Variants in PI4K2B observed in about 807,000 individuals in gnomAD.
The protein encoded by PI4K2B is phosphatidylinositol 4-kinase type 2 beta.
PI4K2B carries 46 observed loss-of-function variants against 56.6 expected under a neutral mutation model. The observed-to-expected ratio is 0.81, with a 90% confidence interval of 0.64 to 1.04. The LOEUF is 1.04. PI4K2B is among the 50% of genes least tolerant of loss of function. The pLI is 0.00. For synonymous variants in PI4K2B, 211 were observed against 223.8 expected (o/e 0.94, Z 0.51); for missense variants, 556 against 607.7 (o/e 0.91, Z 0.89).
intron 6 of PI4K2B, 38 bp from the exon 7 acceptor site, chr4:25,263,712 A>C: frequency 2.7e-6 from 2 of 740,504 alleles, no homozygotes; most frequent in Non-Finnish European, 4.7e-6. Flanking sequence ...ATATTTATAT[A>C]GGTTCTTTTA....
At chr4:25,254,991 T>C in intron 2 of PI4K2B, 74 bp from the exon 3 acceptor site, 16 of 981,014 alleles carry the variant, frequency 1.6e-5, no homozygotes, top group Non-Finnish European at 2.5e-5. Flanking sequence ...GAGAACAATT[T>C]ATTAGAATGC....
In PI4K2B at chr4:25,279,071, A is replaced by G. The variant is rs1205112138; in HGVS notation, c.*1884A>G. 1 of 152,578 alleles carries G rather than the reference A, an allele frequency of 6.6e-6. No homozygotes were observed. Among genetic ancestry groups the G allele is most frequent in the South Asian group, 2.1e-4 (1 of 4,828 alleles). The allele number at this position is 152,578 out of a possible 1,614,324, so 9.5% of individuals were successfully genotyped here. Reference sequence around the variant, plus strand: ...ACAAATGTGGTAGACTAAAGGTAATAAAAATCATTGTCTTAAGATTATGTT... The same window carrying G: ...ACAAATGTGGTAGACTAAAGGTAATGAAAATCATTGTCTTAAGATTATGTT... On this transcript the variant is annotated 3_prime_UTR_variant, in exon 10 of 10. Transcript: ENST00000264864.
intron 3 of PI4K2B, among the ~76,000 whole-genome samples, chr4:25,255,969 A>G (rs891167359): frequency 1.4e-5 from 2 of 147,806 alleles, no homozygotes; most frequent in Non-Finnish European, 3.0e-5. Flanking sequence ...CCCAGGCTGG[A>G]GTATAGGGAT....
intron 1 of PI4K2B, among the ~76,000 whole-genome samples, chr4:25,242,673 G>T (rs903961641): frequency 2.6e-5 from 4 of 152,218 alleles, no homozygotes; most frequent in African/African-American, 4.8e-5. Flanking sequence ...TCCTTACTAA[G>T]CCTTGAGCTT....
intron 7 of PI4K2B, among the ~76,000 whole-genome samples, chr4:25,265,198 C>CAAAAAAAAAAAAAAAAAAAAAAAAAA (rs71188933): frequency 3.1e-5 from 2 of 65,408 alleles, no homozygotes; most frequent in Non-Finnish European, 5.1e-5. Flanking sequence ...TCTGTCTCAC[C>CAAAAAAAAAAAAAAAAAAAAAAAAAA]AAAAAAAAAA....
rs555109330 is a variant in PI4K2B, at chr4:25,255,327, T to A, written c.624+62T>A. The A allele has an allele frequency of 9.5e-5, 131 of 1,374,480 alleles. 1 individual carries two copies. The South Asian group carries it at 1.5e-3, about 16-fold the overall frequency. 85.1% of individuals were successfully genotyped at this position (1,374,480 alleles called of 1,614,324 possible). A position where few individuals can be genotyped will look rare whatever the true frequency, so the allele number is the denominator to read the frequency against. On this transcript the variant is annotated intron_variant, in intron 3 of 9. Coordinates refer to ENST00000264864, the MANE Select transcript of PI4K2B (RefSeq NM_018323.4). ...TTTACAACCTGCTTATATCTGAATA[T>A]TTCAGTAATTATTCCTAATGATAGA...
chr4:25,265,495 C>T (rs1266790701), intron 7 of PI4K2B, among the ~76,000 whole-genome samples: 4 of 152,080 alleles, frequency 2.6e-5, no homozygotes, highest in South Asian at 2.1e-4. Context: ...CATATTAGGC[C>T]TCATACTTTC....
At chr4:25,265,656 A>C (rs905203406) in intron 7 of PI4K2B, among the ~76,000 whole-genome samples, 11 of 152,124 alleles carry the variant, frequency 7.2e-5, no homozygotes, top group African/African-American at 2.4e-4. Flanking sequence ...GCTTATTTTA[A>C]TTGTCCATTA....
chr4:25,268,945 G>T (rs1716764206), intron 8 of PI4K2B, among the ~76,000 whole-genome samples, 199 bp from the exon 9 acceptor site: 1 of 152,136 alleles, frequency 6.6e-6, no homozygotes, highest in Admixed American at 6.6e-5. Flanking sequence ...AACAAGTTCA[G>T]GTCCAAATAA....
intron 1 of PI4K2B, among the ~76,000 whole-genome samples, chr4:25,240,562 G>A (rs1715473294): frequency 1.3e-5 from 2 of 152,134 alleles, no homozygotes; most frequent in South Asian, 4.1e-4. Context: ...ATTTCCTGGG[G>A]CAATGGTAAT....
intron 1 of PI4K2B, among the ~76,000 whole-genome samples, chr4:25,242,449 T>G (rs2133504): frequency 0.01 from 1,549 of 152,138 alleles, 41 homozygotes; most frequent in African/African-American, 0.035. Context: ...GGAGTCAGAG[T>G]GCAGGGGAAT....
chr4:25,247,471 C>T (rs1715838399), intron 1 of PI4K2B, among the ~76,000 whole-genome samples: 1 of 152,198 alleles, frequency 6.6e-6, no homozygotes, highest in Non-Finnish European at 1.5e-5. Context: ...GTTCACCTGC[C>T]CTATCCTCTT....
chr4:25,267,487 T>C (rs533038641), intron 7 of PI4K2B, among the ~76,000 whole-genome samples: 8 of 152,308 alleles, frequency 5.3e-5, no homozygotes, highest in African/African-American at 1.9e-4. Flanking sequence ...CCCAGGAGAT[T>C]GAGGCTATAG....
At position 25,255,063 on chromosome 4, in the gene PI4K2B, A is replaced by G; in HGVS notation, c.424-2A>G. On this transcript the variant is annotated splice_acceptor_variant, in intron 2 of 9. Coordinates refer to ENST00000264864, the MANE Select transcript of PI4K2B (RefSeq NM_018323.4). LOFTEE classifies it high-confidence loss of function. ...AATAAGATTTTTACTTTTTTGCTCT[A>G]GAAAATTATTGGTGTGTTTAAACCC... 1.2e-6 allele frequency: 2 copies of G among 1,604,978 alleles called. No individual in the cohort carries two copies. The highest frequency in any genetic ancestry group is 1.7e-6 in the Non-Finnish European group (2 of 1,172,506).
chr4:25,269,752 A>G (rs996457682), intron 9 of PI4K2B, among the ~76,000 whole-genome samples: 1 of 151,242 alleles, frequency 6.6e-6, no homozygotes, highest in Non-Finnish European at 1.5e-5. Context: ...CTCGCTCTGT[A>G]GCCCAGGCTG....
intron 6 of PI4K2B, among the ~76,000 whole-genome samples, chr4:25,263,390 TA>T (rs1281356920): frequency 6.6e-6 from 1 of 152,130 alleles, no homozygotes; most frequent in East Asian, 1.9e-4. Context: ...TTAAGGTGTT[TA>T]AAAAAATTAG....
At chr4:25,236,858 CTG>C (rs2109080740) in intron 1 of PI4K2B, among the ~76,000 whole-genome samples, 2 of 152,282 alleles carry the variant, frequency 1.3e-5, no homozygotes, top group Non-Finnish European at 1.5e-5. Context: ...TCTGTGAAAA[CTG>C]TTTAAAAAAT....
chr4:25,273,612 C>T lies in PI4K2B; in HGVS notation c.1273-3402C>T, dbSNP rs1716992852. On this transcript the variant is annotated intron_variant, in intron 9 of 9. Transcript: ENST00000264864. ...GTATCTGTGAAATAAGGGCGCCTGC[C>T]AGCCTGGCCAATCGGCAACATTTAG... is the stretch of plus-strand genomic sequence containing the variant. 2.6e-5 allele frequency among the ~76,000 whole-genome samples: 4 copies of T among 152,200 alleles called. No homozygotes were observed. In the South Asian group the frequency reaches 8.3e-4, roughly 32 times the overall value.
chr4:25,267,635 G>T lies in PI4K2B; in HGVS notation c.1079-808G>T, dbSNP rs112263754. ...ATTCTCATTGGATATGCTCACAGTA[G>T]CTCTGTGGATGATCATGTCAAAAAC... On this transcript the variant is annotated intron_variant, in intron 7 of 9. Coordinates refer to ENST00000264864, the MANE Select transcript of PI4K2B (RefSeq NM_018323.4). 795 of 240,526 alleles carry T rather than the reference G, an allele frequency of 3.3e-3. 3 individuals carry two copies. The highest frequency in any genetic ancestry group is 0.018 in the African/African-American group (759 of 43,164). 14.9% of individuals were successfully genotyped at this position (240,526 alleles called of 1,614,324 possible).
Sources: gnomAD v4.1 joint callset for allele counts (sites outside exome capture counted in the v4.1 genomes callset) on GRCh38, gnomAD v4.1.1 for gene constraint, MANE v1.5 for transcripts, NCBI Gene and HGNC (gene_info 2026-07-23, HGNC 2026-07-21) for gene names.